Variants in SPATA17 observed in about 807,000 individuals in gnomAD.
The protein encoded by SPATA17 is spermatogenesis-associated protein 17.
A neutral mutation model predicts 62.2 loss-of-function variants in SPATA17; 53 were observed. The ratio of observed to expected loss-of-function variants is 0.85; its 90% CI spans 0.68 to 1.07. The LOEUF (loss-of-function observed/expected upper bound fraction) is 1.07, where lower values mean the gene tolerates loss of function less well. SPATA17 is among the 50% of genes least tolerant of loss of function. The pLI is 0.00. For synonymous variants in SPATA17, 146 were observed against 146.8 expected (o/e 0.99, Z 0.04); for missense variants, 466 against 425.5 (o/e 1.10, Z -0.84).
At chr1:217,707,067 G>A (rs371072179) in intron 5 of SPATA17, among the ~76,000 whole-genome samples, 4 of 152,106 alleles carry the variant, frequency 2.6e-5, no homozygotes, top group East Asian at 3.9e-4. Flanking sequence ...GGGTTTCACC[G>A]TATTGGTCCG....
chr1:217,836,845 T>C (rs1379246466), intron 9 of SPATA17, among the ~76,000 whole-genome samples: 2 of 152,134 alleles, frequency 1.3e-5, no homozygotes, highest in South Asian at 2.1e-4. Flanking sequence ...CTCAAGAAGT[T>C]ATTTTACTAT....
intron 9 of SPATA17, among the ~76,000 whole-genome samples, chr1:217,808,761 A>C (rs1674508090): frequency 6.6e-6 from 1 of 152,112 alleles, no homozygotes; most frequent in Admixed American, 6.5e-5. Flanking sequence ...AGGCTGAGGC[A>C]GGAGAATCGC....
At chr1:217,822,750 T>C (rs1170831057) in intron 9 of SPATA17, among the ~76,000 whole-genome samples, 1 of 149,652 alleles carries the variant, frequency 6.7e-6, no homozygotes, top group Non-Finnish European at 1.5e-5. Context: ...CAGTTGTTTG[T>C]ACTATGTTTT....
chr1:217,678,052 C>T (rs898259063), intron 4 of SPATA17, among the ~76,000 whole-genome samples: 4 of 151,950 alleles, frequency 2.6e-5, no homozygotes, highest in African/African-American at 9.7e-5. Context: ...GCTCACTGTA[C>T]AATCTTTTTT....
At chr1:217,725,299 C>T (rs1049898928) in intron 5 of SPATA17, among the ~76,000 whole-genome samples, 1 of 152,150 alleles carries the variant, frequency 6.6e-6, no homozygotes, top group African/African-American at 2.4e-5. Flanking sequence ...CTGTCTGATT[C>T]TTCTCTTTCT....
At chr1:217,729,106 C>T (rs762181787) in intron 5 of SPATA17, among the ~76,000 whole-genome samples, 20 of 152,220 alleles carry the variant, frequency 1.3e-4, no homozygotes, top group Non-Finnish European at 1.6e-4. Flanking sequence ...TTACTAAATG[C>T]GGAGTGTCAT....
chr1:217,749,679 C>T (rs1672853598), intron 6 of SPATA17, among the ~76,000 whole-genome samples: 1 of 151,774 alleles, frequency 6.6e-6, no homozygotes, highest in African/African-American at 2.4e-5. Flanking sequence ...CTTTTTAAGT[C>T]TTTTGCCCTT....
chr1:217,635,479 G>A (rs1375061811), intron 1 of SPATA17, among the ~76,000 whole-genome samples: 1 of 152,006 alleles, frequency 6.6e-6, no homozygotes, highest in Non-Finnish European at 1.5e-5. Flanking sequence ...TGAGGTGGGT[G>A]GATCACTTGA....
chr1:217,840,399 T>C (rs1675363667), intron 9 of SPATA17, among the ~76,000 whole-genome samples: 1 of 152,116 alleles, frequency 6.6e-6, no homozygotes, highest in Admixed American at 6.6e-5. Context: ...GCCTCAGAAC[T>C]AACTAACCTA....
At chr1:217,696,471 G>A (rs1187799424) in intron 5 of SPATA17, among the ~76,000 whole-genome samples, 1 of 152,184 alleles carries the variant, frequency 6.6e-6, no homozygotes, top group African/African-American at 2.4e-5. Flanking sequence ...CTCCGCTCAC[G>A]CTGGGAGCTG....
intron 4 of SPATA17, among the ~76,000 whole-genome samples, chr1:217,670,441 C>G (rs1031617997): frequency 7.9e-5 from 12 of 152,124 alleles, no homozygotes; most frequent in African/African-American, 2.9e-4. Flanking sequence ...TCTGGTCTGG[C>G]TTATTAAGGT....
At chr1:217,771,240 CAGTT>C (rs755256742) in intron 6 of SPATA17, among the ~76,000 whole-genome samples, 73 of 150,014 alleles carry the variant, frequency 4.9e-4, no homozygotes, top group Non-Finnish European at 8.4e-4. Context: ...TTTTTTTAAA[CAGTT>C]AGCACAGATT....
intron 8 of SPATA17, among the ~76,000 whole-genome samples, chr1:217,783,922 G>A (rs1312964565): frequency 6.6e-5 from 10 of 151,918 alleles, no homozygotes; most frequent in Middle Eastern, 3.4e-3. Context: ...GAGGCTTTCC[G>A]AGATTGCAAA....
intron 6 of SPATA17, among the ~76,000 whole-genome samples, chr1:217,766,424 G>A (rs1673302410): frequency 6.6e-6 from 1 of 151,660 alleles, no homozygotes; most frequent in Non-Finnish European, 1.5e-5. Flanking sequence ...CCACTTTCAA[G>A]TAACACTATA....
intron 3 of SPATA17, among the ~76,000 whole-genome samples, chr1:217,667,701 A>AAATATATAAT (rs1210567372): frequency 6.6e-6 from 1 of 152,260 alleles, no homozygotes; most frequent in Non-Finnish European, 1.5e-5. Context: ...AAACTCTTGG[A>AAATATATAAT]AATATATAAT....
intron 6 of SPATA17, among the ~76,000 whole-genome samples, chr1:217,749,234 T>A (rs909147841): frequency 6.6e-6 from 1 of 152,200 alleles, no homozygotes; most frequent in South Asian, 2.1e-4. Context: ...TTGAAAAACA[T>A]TGATTTTGTT....
At chr1:217,666,555 T>C (rs566356734) in intron 3 of SPATA17, among the ~76,000 whole-genome samples, 207 of 152,270 alleles carry the variant, frequency 1.4e-3, no homozygotes, top group Non-Finnish European at 2.4e-3. Flanking sequence ...AAAAAAATTA[T>C]GGTAAAATAT....
At position 217,797,251 on chromosome 1, in the gene SPATA17, C is replaced by CT. The variant is rs11360301; in HGVS notation, c.873-4451dup. Among the ~76,000 whole-genome samples, 1,066 of 119,834 alleles carry CT rather than the reference C, an allele frequency of 8.9e-3. 10 individuals carry two copies. Among genetic ancestry groups the CT allele is most frequent in the African/African-American group, 0.023 (764 of 32,924 alleles). The allele number at this position is 119,834 out of a possible 152,430, so 78.6% of individuals were successfully genotyped here. ...AATTTACTATTTTCTTTCTTTCTTT[C>CT]TTTTTTTTTTTTTTTTGAGATGGAG... On this transcript the variant is annotated intron_variant, in intron 8 of 10. Coordinates refer to ENST00000366933, the MANE Select transcript of SPATA17 (RefSeq NM_138796.4).
intron 5 of SPATA17, among the ~76,000 whole-genome samples, chr1:217,684,510 G>A (rs969021248): frequency 1.3e-5 from 2 of 152,090 alleles, no homozygotes; most frequent in African/African-American, 4.8e-5. Flanking sequence ...TGCTTCTGGG[G>A]TTCAAGTGAT....
Sources: allele counts gnomAD v4.1 joint callset (sites outside exome capture counted in the v4.1 genomes callset), GRCh38; gene constraint gnomAD v4.1.1; transcripts MANE v1.5; gene names NCBI Gene and HGNC (gene_info 2026-07-23, HGNC 2026-07-21).